The following BIVM variants were observed in gnomAD, a reference collection of about 807,000 sequenced individuals.
The protein encoded by BIVM is basic, immunoglobulin-like variable motif containing.
In BIVM, 31 loss-of-function variants were observed where a neutral mutation model predicts 61.4. The observed-to-expected ratio is 0.51, with a 90% CI of 0.38 to 0.68. The LOEUF is 0.68. BIVM is among the 30% of genes least tolerant of loss of function. The pLI is 0.00. For synonymous variants in BIVM, 189 were observed against 210.7 expected (o/e 0.90, Z 0.89); for missense variants, 526 against 596.0 (o/e 0.88, Z 1.22).
chr13:102,820,863 A>T, intron 4 of BIVM, 174 bp from the exon 5 acceptor site: 1 of 582,628 alleles, frequency 1.7e-6, no homozygotes, highest in Non-Finnish European at 2.9e-6. Context: ...CAGGTGATTT[A>T]TTGTTATTTT....
At chr13:102,824,950 A>ATTAATTAAT (rs58236818) in intron 7 of BIVM, among the ~76,000 whole-genome samples, 4 of 147,650 alleles carry the variant, frequency 2.7e-5, no homozygotes, top group Non-Finnish European at 4.5e-5. Flanking sequence ...TAATTAATTA[A>ATTAATTAAT]TTTTTTTTTT....
chr13:102,837,225 C>G (rs1881536889), intron 9 of BIVM, among the ~76,000 whole-genome samples: 1 of 152,098 alleles, frequency 6.6e-6, no homozygotes, highest in Non-Finnish European at 1.5e-5. Flanking sequence ...CTGCAGTGAG[C>G]TGAGATTGCA....
chr13:102,822,088 A>G lies in BIVM; in HGVS notation c.830A>G (p.His277Arg). 1.2e-6 allele frequency: 2 copies of G among 1,613,978 alleles called. No individual in the cohort carries two copies. The highest frequency in any genetic ancestry group is 1.7e-6 in the Non-Finnish European group (2 of 1,180,004). ...AGGTGGTTTAGACAAATTAATGACCACTTCCATGTAAAAGGATGCTCTTAT... is the reference window on the plus strand; with the variant it reads ...AGGTGGTTTAGACAAATTAATGACCGCTTCCATGTAAAAGGATGCTCTTAT... ...LMRWFRQIND[H>R]FHVKGCSYVL... Residue 277 changes from histidine to arginine, a missense_variant, in exon 7 of 11, where the codon CAC (histidine) becomes CGC (arginine). By Grantham distance (29) the His-to-Arg change is conservative. This residue lies in a region of BIVM where 312 missense variants were observed against 343.8 expected (regional missense o/e 0.91). Transcript: ENST00000257336.
At chr13:102,800,196 A>T (rs1595319753) in intron 1 of BIVM, among the ~76,000 whole-genome samples, 2 of 152,284 alleles carry the variant, frequency 1.3e-5, no homozygotes, top group South Asian at 2.1e-4. Context: ...GTTTACTCAA[A>T]CAGTCGAATC....
intron 1 of BIVM, among the ~76,000 whole-genome samples, chr13:102,802,903 G>T (rs1365723625): frequency 2.6e-5 from 4 of 151,872 alleles, no homozygotes; most frequent in Non-Finnish European, 4.4e-5. Flanking sequence ...GAGCCACTGT[G>T]CCTGGCTCAC....
chr13:102,834,888 T>C (rs1330152221), intron 9 of BIVM, among the ~76,000 whole-genome samples: 6 of 152,080 alleles, frequency 3.9e-5, no homozygotes, highest in Non-Finnish European at 5.9e-5. Flanking sequence ...GTATCAAGAG[T>C]TTATTATTTT....
At position 102,807,248 on chromosome 13, in the gene BIVM, A is replaced by G; in HGVS notation, c.-20A>G. 1 of 1,556,888 alleles carries G rather than the reference A, an allele frequency of 6.4e-7. No homozygotes were observed. Among genetic ancestry groups the G allele is most frequent in the Non-Finnish European group, 8.7e-7 (1 of 1,151,638 alleles). ...AGTTGCAACTTGTTTCTAGTAATAGAAACTTTTACACTGCATTCAATGCCT... is the reference window on the plus strand; with the variant it reads ...AGTTGCAACTTGTTTCTAGTAATAGGAACTTTTACACTGCATTCAATGCCT... On this transcript the variant is annotated 5_prime_UTR_variant, in exon 3 of 11. Transcript: ENST00000257336. This position sits in a 1 kb window ranked among gnomAD's most constrained non-coding sequence, Gnocchi z 4.0.
chr13:102,830,123 T>G (rs1880964270), intron 7 of BIVM, among the ~76,000 whole-genome samples: 2 of 152,190 alleles, frequency 1.3e-5, no homozygotes, highest in African/African-American at 4.8e-5. Flanking sequence ...CTACTTCTTC[T>G]TGACTCCTCA....
intron 7 of BIVM, among the ~76,000 whole-genome samples, chr13:102,829,493 T>A (rs144978666): frequency 7.9e-5 from 12 of 152,304 alleles, no homozygotes; most frequent in Non-Finnish European, 1.5e-4. Flanking sequence ...TACATTTGTG[T>A]CTTCTCATAC....
chr13:102,821,382 C>A (rs1357419979), intron 5 of BIVM, among the ~76,000 whole-genome samples: 1 of 151,956 alleles, frequency 6.6e-6, no homozygotes, highest in African/African-American at 2.4e-5. Context: ...TTGCTTGAAG[C>A]CAAGGAGTTT....
rs547166501 is a variant in BIVM at position 102,831,778 on chromosome 13, C to G, written c.1034+81C>G. The G allele has an allele frequency of 1.6e-5, 24 of 1,508,612 alleles. No individual in the cohort carries two copies. The South Asian group carries it at 2.4e-4, about 15-fold the overall frequency. 93.5% of individuals were successfully genotyped at this position (1,508,612 alleles called of 1,614,324 possible). ...GGTGCGGTAGCTCACGCCTGTAATC[C>G]TAGCACTTTGGGAGGCCGAGGTGGG... On this transcript the variant is annotated intron_variant, in intron 8 of 10. Transcript: ENST00000257336.
Position 102,839,886 on chromosome 13 carries a change from C to G in BIVM, c.*21C>G, listed in dbSNP as rs1290856924. Reference sequence around the variant, plus strand: ...ATTGACTATGCTTGCTACTGAACAGCTGGCATTATATATGAAACTGCTATA... The same window carrying G: ...ATTGACTATGCTTGCTACTGAACAGGTGGCATTATATATGAAACTGCTATA... On this transcript the variant is annotated 3_prime_UTR_variant, in exon 11 of 11. Coordinates refer to ENST00000257336, the MANE Select transcript of BIVM (RefSeq NM_017693.4). 1.3e-6 allele frequency: 2 copies of G among 1,595,670 alleles called. No individual in the cohort carries two copies. Among genetic ancestry groups the G allele is most frequent in the East Asian group, 2.2e-5 (1 of 44,780 alleles).
At chr13:102,815,502 A>C (rs1879804570) in intron 3 of BIVM, among the ~76,000 whole-genome samples, 1 of 152,220 alleles carries the variant, frequency 6.6e-6, no homozygotes, top group Non-Finnish European at 1.5e-5. Flanking sequence ...TTAGAAATAA[A>C]ACTTATAAAA....
rs572516532 is a variant in BIVM at position 102,837,013 on chromosome 13, C to T, written c.1122-1630C>T. 4.6e-5 allele frequency among the ~76,000 whole-genome samples: 7 copies of T among 152,174 alleles called. No individual in the cohort carries two copies. The East Asian group carries it at 5.8e-4, about 13-fold the overall frequency. ...TATAGAATTCATAATTTTGGCTGGG[C>T]GCGGTGGCTCATGCTTGTAATCCCA... On this transcript the variant is annotated intron_variant, in intron 9 of 10. Coordinates refer to ENST00000257336, the MANE Select transcript of BIVM (RefSeq NM_017693.4).
Position 102,807,342 on chromosome 13 carries a change from T to C in BIVM, c.75T>C (p.Pro25=), listed in dbSNP as rs759885737. The C allele has an allele frequency of 3.7e-6, 6 of 1,614,222 alleles. No homozygotes were observed. Among genetic ancestry groups the C allele is most frequent in the Middle Eastern group, 1.6e-4 (1 of 6,062 alleles). ...AGCACAAATCTGAGAGAAAGTCACC[T>C]GAAGAGAATCTACAAGGTGCTGTAA... ...NGEHKSERKS[P]EENLQGAVKS... is the part of the protein sequence containing the mutation. The change falls in exon 3 of 11, where the codon CCT becomes CCC. Residue 25 remains proline, a synonymous_variant. Coordinates refer to ENST00000257336, the MANE Select transcript of BIVM (RefSeq NM_017693.4). This position sits in a 1 kb window ranked among gnomAD's most constrained non-coding sequence, Gnocchi z 4.0.
intron 9 of BIVM, among the ~76,000 whole-genome samples, chr13:102,836,986 T>A (rs1881520528): frequency 6.6e-6 from 1 of 152,206 alleles, no homozygotes. Flanking sequence ...GAGGATAGAA[T>A]CTATAGAATT....
At chr13:102,830,610 A>T (rs1880996117) in intron 7 of BIVM, among the ~76,000 whole-genome samples, 1 of 152,152 alleles carries the variant, frequency 6.6e-6, no homozygotes, top group Non-Finnish European at 1.5e-5. Context: ...TAGAGATGTT[A>T]TCTTGTCACT....
At chr13:102,835,067 T>C (rs527498049) in intron 9 of BIVM, among the ~76,000 whole-genome samples, 2 of 152,264 alleles carry the variant, frequency 1.3e-5, no homozygotes, top group East Asian at 3.9e-4. Flanking sequence ...TATTAAAATA[T>C]AATTCACATA....
intron 1 of BIVM, among the ~76,000 whole-genome samples, chr13:102,804,881 G>A (rs1878964534): frequency 6.6e-6 from 1 of 152,192 alleles, no homozygotes; most frequent in Non-Finnish European, 1.5e-5. Context: ...TGAAAGCCAT[G>A]CAGTACCTTT....
Sources: allele counts gnomAD v4.1 joint callset (sites outside exome capture counted in the v4.1 genomes callset), GRCh38; gene constraint gnomAD v4.1.1; regional missense constraint gnomAD v4.1.1; non-coding constraint Gnocchi (gnomAD v3.1); transcripts MANE v1.5; gene names NCBI Gene and HGNC (gene_info 2026-07-23, HGNC 2026-07-21).